Variants in RHOU observed in about 807,000 individuals in gnomAD.
RHOU encodes rho-related GTP-binding protein RhoU.
In RHOU, 8 loss-of-function variants were observed where a neutral mutation model predicts 12.6. The observed-to-expected ratio is 0.64, with a 90% CI of 0.37 to 1.15. The LOEUF is 1.15. Among genes scored for constraint, RHOU ranks in the 50% most tolerant of loss-of-function variants. The probability of loss-of-function intolerance (pLI) is 0.01; values close to 1 mark genes in which losing one functional copy is unlikely to be tolerated. For synonymous variants in RHOU, 161 were observed against 147.4 expected, an observed-to-expected ratio of 1.09 and a Z score of -0.67; for missense variants, 258 against 347.0, an observed-to-expected ratio of 0.74 and a Z score of 2.04.
the RHOU span, among the ~76,000 whole-genome samples, chr1:228,712,600 A>G: frequency 7.0e-6 from 1 of 142,448 alleles, no homozygotes; most frequent in African/African-American, 2.6e-5. Context: ...CATGGGTGGG[A>G]GTTGAACAAT....
At chr1:228,658,670 C>T in the RHOU span, among the ~76,000 whole-genome samples, 2 of 152,070 alleles carry the variant, frequency 1.3e-5, no homozygotes, top group South Asian at 4.1e-4. Flanking sequence ...AAGATGAAAC[C>T]ACAAGAGAAA....
At chr1:228,710,872 T>C in the RHOU span, among the ~76,000 whole-genome samples, 4 of 152,186 alleles carry the variant, frequency 2.6e-5, no homozygotes, top group African/African-American at 7.2e-5. Context: ...AGTCAAATTG[T>C]ACCTGTTTGC....
the RHOU span, among the ~76,000 whole-genome samples, chr1:228,700,313 G>T: frequency 6.6e-6 from 1 of 152,260 alleles, no homozygotes. Flanking sequence ...TGAAAATCTG[G>T]CAAAGTATTT....
chr1:228,669,177 C>T, the RHOU span, among the ~76,000 whole-genome samples: 1 of 152,348 alleles, frequency 6.6e-6, no homozygotes, highest in Non-Finnish European at 1.5e-5. Context: ...CTACAAGGAA[C>T]ACCACAAGAA....
At chr1:228,673,288 C>T in the RHOU span, among the ~76,000 whole-genome samples, 1 of 152,212 alleles carries the variant, frequency 6.6e-6, no homozygotes, top group Non-Finnish European at 1.5e-5. Flanking sequence ...AATGGAATCA[C>T]AGCATGCATT....
rs41271471 is a variant in RHOU, at chr1:228,743,766, A to G, written c.*26A>G. 451 of 1,581,690 alleles carry G rather than the reference A, an allele frequency of 2.9e-4. No homozygotes were observed. The highest frequency in any genetic ancestry group is 3.7e-4 in the Non-Finnish European group (429 of 1,162,558). On this transcript the variant is annotated 3_prime_UTR_variant, in exon 3 of 3. Transcript: ENST00000366691. The surrounding 1 kb of genome is among the most constrained non-coding windows in gnomAD (Gnocchi z 5.1). ...TGCTGGCAAGACACCCAGAAAGGCT[A>G]TTTTCAGATGAAATCGATATTAGAA...
At position 228,745,223 on chromosome 1, in the gene RHOU, C is replaced by T. The variant is rs1453576895; in HGVS notation, c.*1483C>T. ...TCTTCTGGAGAAAAAGGTGCCATCT[C>T]AGGAGAATAGCTTTTACTCTGGTAG... On this transcript the variant is annotated 3_prime_UTR_variant, in exon 3 of 3. Coordinates refer to ENST00000366691, the MANE Select transcript of RHOU (RefSeq NM_021205.6). The T allele has an allele frequency of 6.6e-6, 1 of 152,162 alleles. No individual in the cohort carries two copies. The highest frequency in any genetic ancestry group is 1.5e-5 in the Non-Finnish European group (1 of 68,056). 9.4% of individuals were successfully genotyped at this position (152,162 alleles called of 1,614,324 possible).
the RHOU span, among the ~76,000 whole-genome samples, chr1:228,667,798 T>A: frequency 6.6e-6 from 1 of 152,248 alleles, no homozygotes; most frequent in Non-Finnish European, 1.5e-5. Flanking sequence ...AAGATTTTTT[T>A]ATTGTATTAT....
the RHOU span, among the ~76,000 whole-genome samples, chr1:228,652,905 GA>G: frequency 2.0e-5 from 3 of 152,120 alleles, no homozygotes; most frequent in Non-Finnish European, 4.4e-5. Flanking sequence ...GAACAAAAGT[GA>G]AAGCATTTAT....
chr1:228,690,882 C>T, the RHOU span, among the ~76,000 whole-genome samples: 1 of 152,198 alleles, frequency 6.6e-6, no homozygotes, highest in African/African-American at 2.4e-5. Flanking sequence ...TCCCAAAGTG[C>T]TGAGATTACA....
the RHOU span, among the ~76,000 whole-genome samples, chr1:228,726,351 G>T: frequency 6.6e-6 from 1 of 152,114 alleles, no homozygotes; most frequent in African/African-American, 2.4e-5. Context: ...TTGATGGAAA[G>T]GTTATAGGGT....
the RHOU span, among the ~76,000 whole-genome samples, chr1:228,701,677 C>T: frequency 6.6e-6 from 1 of 151,766 alleles, no homozygotes; most frequent in African/African-American, 2.4e-5. Flanking sequence ...TCTTTTTCTT[C>T]CTGACTTTTA....
At chr1:228,687,298 C>CA in the RHOU span, 1 of 558,550 alleles carries the variant, frequency 1.8e-6, no homozygotes, top group Non-Finnish European at 3.2e-6. Context: ...TTATCCCTTT[C>CA]TTTTTTTTTT....
Position 228,743,525 on chromosome 1 carries a change from G to T in RHOU, c.562G>T (p.Ala188Ser), listed in dbSNP as rs1297959924. The T allele has an allele frequency of 1.2e-6, 2 of 1,614,194 alleles. No individual in the cohort carries two copies. The highest frequency in any genetic ancestry group is 2.2e-5 in the South Asian group (2 of 91,084). Residue 188 changes from alanine (A) to serine (S), a missense_variant, in exon 3 of 3, where the codon GCT becomes TCT. By Grantham distance (99) the Ala-to-Ser change is moderately conservative (BLOSUM62 1). Transcript: ENST00000366691. This position sits in a 1 kb window ranked among gnomAD's most constrained non-coding sequence, Gnocchi z 5.1. The stretch of plus-strand genomic sequence containing the variant: ...AGAAAAGCCAGTGCCTGAAGAGGCG[G>T]CTAAGCTGTGCGCCGAGGAAATCAA... ...CKEKPVPEEA[A>S]KLCAEEIKAA...
chr1:228,735,694 C>A lies in RHOU; in HGVS notation c.-49C>A, dbSNP rs1662588429. 3.4e-6 allele frequency: 4 copies of A among 1,184,348 alleles called. No individual in the cohort carries two copies. The highest frequency in any genetic ancestry group is 3.4e-4 in the Middle Eastern group (1 of 2,914). The allele number at this position is 1,184,348 out of a possible 1,614,324, so 73.4% of individuals were successfully genotyped here. ...CAACCCTCCGGGGCGGAGGGGCGGT[C>A]GGGCCGGGCCCTGCTAGCCCGCGAC... On this transcript the variant is annotated 5_prime_UTR_variant, in exon 1 of 3. Transcript: ENST00000366691. The surrounding 1 kb of genome is among the most constrained non-coding windows in gnomAD (Gnocchi z 8.1).
chr1:228,698,015 T>G, the RHOU span, among the ~76,000 whole-genome samples: 1 of 152,224 alleles, frequency 6.6e-6, no homozygotes, highest in Non-Finnish European at 1.5e-5. Context: ...ATTTCAGACA[T>G]TCTGTGGGTG....
At chr1:228,674,219 A>G in the RHOU span, among the ~76,000 whole-genome samples, 1 of 152,076 alleles carries the variant, frequency 6.6e-6, no homozygotes. Flanking sequence ...TTTCTTATTA[A>G]GTCTTCCTTT....
Position 228,735,952 on chromosome 1 carries a change from C to G in RHOU, c.210C>G (p.Thr70=), listed in dbSNP as rs774917427. 1 of 1,582,556 alleles carries G rather than the reference C, an allele frequency of 6.3e-7. No individual in the cohort carries two copies. The highest frequency in any genetic ancestry group is 8.6e-7 in the Non-Finnish European group (1 of 1,168,112). ...AGACGAGCCTGGTGGTGAGCTACAC[C>G]ACCAACGGCTACCCCACCGAGTACA... is the stretch of plus-strand genomic sequence containing the variant. ...VGKTSLVVSY[T]TNGYPTEYIP... is the part of the protein sequence containing the mutation. Residue 70 remains threonine (T), a synonymous_variant, in exon 1 of 3, where the codon ACC becomes ACG. Transcript: ENST00000366691. The surrounding 1 kb of genome is among the most constrained non-coding windows in gnomAD (Gnocchi z 8.1).
chr1:228,671,395 T>A, the RHOU span, among the ~76,000 whole-genome samples: 33 of 152,310 alleles, frequency 2.2e-4, no homozygotes, highest in African/African-American at 7.7e-4. Flanking sequence ...TTTTTATTAT[T>A]TTTAAATATG....
Sources: allele counts gnomAD v4.1 joint callset (sites outside exome capture counted in the v4.1 genomes callset), GRCh38; gene constraint gnomAD v4.1.1; non-coding constraint Gnocchi (gnomAD v3.1); transcripts MANE v1.5; gene names NCBI Gene and HGNC (gene_info 2026-07-23, HGNC 2026-07-21).